The following ADAMTS6 variants were observed in gnomAD, a reference collection of about 807,000 sequenced individuals.
ADAMTS6 encodes the protein ADAM metallopeptidase with thrombospondin type 1 motif 6.
ADAMTS6 carries 23 observed loss-of-function variants against 144.3 expected under a neutral mutation model. The ratio of observed to expected loss-of-function variants is 0.16; its 90% confidence interval spans 0.11 to 0.23. The LOEUF is 0.23. ADAMTS6 is among the 10% of genes least tolerant of loss of function. ADAMTS6 has a pLI of 1.00. For synonymous variants in ADAMTS6, 444 were observed against 457.5 expected, an observed-to-expected ratio of 0.97 and a Z score of 0.38; for missense variants, 999 against 1,379.6, an observed-to-expected ratio of 0.72 and a Z score of 4.37.
chr5:65,176,109 AAAAAAAAGGG>A (rs1321403625), intron 22 of ADAMTS6, among the ~76,000 whole-genome samples: 7 of 143,700 alleles, frequency 4.9e-5, no homozygotes, highest in Non-Finnish European at 7.7e-5. Context: ...TCATCTTCGG[AAAAAAAAGGG>A]AAAAAAAGGG....
At chr5:65,332,302 TATATATATATAGAGAG>T (rs1746815356) in intron 8 of ADAMTS6, among the ~76,000 whole-genome samples, 1 of 116,376 alleles carries the variant, frequency 8.6e-6, no homozygotes, top group South Asian at 3.0e-4. Context: ...TATATATATA[TATATATATATAGAGAG>T]AGAGAGAGAG....
chr5:65,389,215 A>G (rs11957148), intron 7 of ADAMTS6, among the ~76,000 whole-genome samples: 4,082 of 152,234 alleles, frequency 0.027, 182 homozygotes, highest in African/African-American at 0.091. Flanking sequence ...AAGAAAAAAA[A>G]AAAGAAAGAA....
At chr5:65,161,670 T>G (rs1307114898) in intron 24 of ADAMTS6, among the ~76,000 whole-genome samples, 1 of 152,236 alleles carries the variant, frequency 6.6e-6, no homozygotes, top group African/African-American at 2.4e-5. Flanking sequence ...ATTTAAATTT[T>G]CCATAATAAA....
At chr5:65,382,090 C>T (rs1752095527) in intron 7 of ADAMTS6, among the ~76,000 whole-genome samples, 1 of 152,144 alleles carries the variant, frequency 6.6e-6, no homozygotes, top group African/African-American at 2.4e-5. Flanking sequence ...TTGGAACACA[C>T]ACAATTTGAG....
At chr5:65,405,396 A>C (rs1022482580) in intron 7 of ADAMTS6, among the ~76,000 whole-genome samples, 3 of 152,224 alleles carry the variant, frequency 2.0e-5, no homozygotes, top group Non-Finnish European at 4.4e-5. Context: ...CATTTACTAA[A>C]TAGGGAATCC....
At chr5:65,461,340 G>A (rs773441031) in intron 3 of ADAMTS6, among the ~76,000 whole-genome samples, 8 of 152,114 alleles carry the variant, frequency 5.3e-5, no homozygotes, top group Non-Finnish European at 1.2e-4. Context: ...TTCCCAATTA[G>A]ATAATTTGCT....
chr5:65,347,166 C>A (rs886618395), intron 7 of ADAMTS6, among the ~76,000 whole-genome samples: 3 of 151,568 alleles, frequency 2.0e-5, no homozygotes, highest in East Asian at 1.9e-4. Context: ...AAATTTCCAA[C>A]GACATTTTTC....
At chr5:65,180,789 G>C (rs1754301274) in intron 22 of ADAMTS6, among the ~76,000 whole-genome samples, 1 of 152,060 alleles carries the variant, frequency 6.6e-6, no homozygotes, top group African/African-American at 2.4e-5. Flanking sequence ...ACAGTAGTAA[G>C]GCTCTACTTA....
intron 20 of ADAMTS6, among the ~76,000 whole-genome samples, chr5:65,213,253 A>G (rs1215716110): frequency 1.2e-5 from 1 of 83,204 alleles, no homozygotes; most frequent in African/African-American, 6.9e-5. Context: ...TTAATATATT[A>G]TTATTCATCT....
chr5:65,347,864 A>G (rs929108110), intron 7 of ADAMTS6, among the ~76,000 whole-genome samples: 1 of 152,178 alleles, frequency 6.6e-6, no homozygotes, highest in Non-Finnish European at 1.5e-5. Flanking sequence ...TGGGCAAATG[A>G]CATGAACAGA....
intron 7 of ADAMTS6, among the ~76,000 whole-genome samples, chr5:65,404,540 T>C (rs1205073015): frequency 6.6e-6 from 1 of 152,244 alleles, no homozygotes; most frequent in Non-Finnish European, 1.5e-5. Context: ...TAATCCAGTC[T>C]ATCATTGATG....
In ADAMTS6 at chr5:65,262,887, G is replaced by A. The variant is rs1319004399; in HGVS notation, c.1696C>T (p.Leu566=). ...CAGGTCCTGCTGCACTCTCCCCATA[G>A]TGACCAGGGACCCCAGCCCCCATCT... ...SIDGGWGPWS[L]WGECSRTCGG... Residue 566 remains leucine, a synonymous_variant, in exon 13 of 25, where the codon CTA becomes TTA. Coordinates refer to ENST00000381055, the MANE Select transcript of ADAMTS6 (RefSeq NM_197941.4). 19 of 1,611,962 alleles carry A rather than the reference G, an allele frequency of 1.2e-5. No homozygotes were observed. Among genetic ancestry groups the A allele is most frequent in the Non-Finnish European group, 1.6e-5 (19 of 1,179,026 alleles).
intron 12 of ADAMTS6, among the ~76,000 whole-genome samples, chr5:65,268,003 G>A (rs914660047): frequency 1.3e-5 from 2 of 152,158 alleles, no homozygotes; most frequent in African/African-American, 4.8e-5. Flanking sequence ...ACAGCAATTG[G>A]AAGAACTATT....
rs116428374 is a variant in ADAMTS6, at chr5:65,321,015, G to A, written c.1223+8363C>T. Among the ~76,000 whole-genome samples, 350 of 152,242 alleles carry A rather than the reference G, an allele frequency of 2.3e-3. 1 individual carries two copies. The highest frequency in any genetic ancestry group is 8.1e-3 in the African/African-American group (335 of 41,528). ...GCATAGGGCTGCAATGAACATACAT[G>A]TGCATTTGTCTTTGTAATGGAGTGA... On this transcript the variant is annotated intron_variant, in intron 9 of 24. Transcript: ENST00000381055.
intron 7 of ADAMTS6, among the ~76,000 whole-genome samples, chr5:65,370,400 G>A (rs1305737260): frequency 5.9e-5 from 9 of 152,270 alleles, no homozygotes; most frequent in South Asian, 2.1e-4. Context: ...GACAGCGCGC[G>A]CAGGTCAGTG....
intron 7 of ADAMTS6, among the ~76,000 whole-genome samples, chr5:65,353,871 A>C (rs1006596261): frequency 6.6e-6 from 1 of 151,900 alleles, no homozygotes; most frequent in African/African-American, 2.4e-5. Flanking sequence ...ATGCAAAAAA[A>C]CCCAAAGCTT....
intron 7 of ADAMTS6, among the ~76,000 whole-genome samples, chr5:65,404,932 A>G (rs1379195464): frequency 6.6e-6 from 1 of 152,220 alleles, no homozygotes; most frequent in Admixed American, 6.5e-5. Flanking sequence ...TGTTGGCTGC[A>G]TAAATGTCTT....
intron 7 of ADAMTS6, among the ~76,000 whole-genome samples, chr5:65,437,827 G>A (rs1465509903): frequency 1.3e-5 from 2 of 152,056 alleles, no homozygotes; most frequent in African/African-American, 2.4e-5. Context: ...TTTTTATTGC[G>A]GGTTTTTCCA....
chr5:65,276,208 A>C (rs1176941068), intron 11 of ADAMTS6, among the ~76,000 whole-genome samples: 1 of 152,052 alleles, frequency 6.6e-6, no homozygotes, highest in East Asian at 1.9e-4. Flanking sequence ...CCTTTTAGAG[A>C]ATGATGCATT....
Sources: gnomAD v4.1 joint callset for allele counts (sites outside exome capture counted in the v4.1 genomes callset) on GRCh38, gnomAD v4.1.1 for gene constraint, MANE v1.5 for transcripts, NCBI Gene and HGNC (gene_info 2026-07-23, HGNC 2026-07-21) for gene names.